USP24: variants seen among roughly 807,000 people sequenced by gnomAD.
USP24 encodes the protein ubiquitin specific peptidase 24.
Under a neutral mutation model 361.6 loss-of-function variants are expected in USP24, and 97 were observed. That is an observed-to-expected ratio of 0.27 (90% confidence interval 0.23 to 0.32). The LOEUF (loss-of-function observed/expected upper bound fraction) is 0.32, where lower values mean the gene tolerates loss of function less well. Among genes scored for constraint, USP24 ranks in the 10% least tolerant of loss-of-function variants. The pLI, the probability that USP24 is intolerant of heterozygous loss-of-function variation, is 1.00. For synonymous variants in USP24, 1,098 were observed against 1,124.6 expected, an observed-to-expected ratio of 0.98 and a Z score of 0.47; for missense variants, 2,353 against 3,165.6, an observed-to-expected ratio of 0.74 and a Z score of 6.16.
intron 21 of USP24, among the ~76,000 whole-genome samples, chr1:55,143,470 A>T (rs1219331250): frequency 2.0e-5 from 3 of 152,176 alleles, no homozygotes; most frequent in African/African-American, 7.2e-5. Flanking sequence ...AAAAGGAAAC[A>T]GTCAAGCCAG....
intron 17 of USP24, among the ~76,000 whole-genome samples, 170 bp downstream of exon 17, chr1:55,148,293 G>GC (rs1365454832): frequency 1.3e-5 from 2 of 148,492 alleles, no homozygotes; most frequent in Non-Finnish European, 3.0e-5. Context: ...AAAAAGCTCT[G>GC]CAGAAATGAA....
intron 30 of USP24, among the ~76,000 whole-genome samples, chr1:55,133,273 T>C (rs1265117382): frequency 6.6e-6 from 1 of 152,178 alleles, no homozygotes. Flanking sequence ...TATGGATAAA[T>C]CCCTTAAGGA....
chr1:55,212,646 C>A (rs1046151174), intron 1 of USP24, among the ~76,000 whole-genome samples: 2 of 152,084 alleles, frequency 1.3e-5, no homozygotes, highest in East Asian at 1.9e-4. Context: ...ATTATTAAAC[C>A]ACAGAGGCAC....
intron 40 of USP24, among the ~76,000 whole-genome samples, chr1:55,106,675 C>T (rs1645782530): frequency 6.6e-6 from 1 of 152,196 alleles, no homozygotes; most frequent in African/African-American, 2.4e-5. Flanking sequence ...GCCTTTCTCT[C>T]TCTGGTTAAG....
At chr1:55,188,626 A>G (rs1348464447) in intron 1 of USP24, among the ~76,000 whole-genome samples, 2 of 152,130 alleles carry the variant, frequency 1.3e-5, no homozygotes, top group African/African-American at 4.8e-5. Flanking sequence ...AAACCACAAA[A>G]TACCACTTCA....
intron 1 of USP24, among the ~76,000 whole-genome samples, chr1:55,190,399 T>C (rs1435847772): frequency 2.6e-5 from 4 of 152,018 alleles, no homozygotes; most frequent in Admixed American, 2.6e-4. Flanking sequence ...CATATTTTGG[T>C]TGGTTTGATA....
chr1:55,159,019 A>G lies in USP24; in HGVS notation c.1086T>C (p.Pro362=). 6.5e-7 allele frequency: 1 copy of G among 1,549,722 alleles called. No homozygotes were observed. Among genetic ancestry groups the G allele is most frequent in the Admixed American group, 2.0e-5 (1 of 50,144 alleles). The change falls in exon 10 of 68, where the codon CCT becomes CCC. Residue 362 remains proline (P), a synonymous_variant. Coordinates refer to ENST00000294383, the MANE Select transcript of USP24 (RefSeq NM_015306.3). ...GTAACTTAACGGCAGACAAGAGCTC[A>G]GGGATGCTAACCAATCTCTTTTATT... ...DLKDKRLVSI[P]ELLSAVKLLC... is the part of the protein sequence containing the mutation.
At chr1:55,114,435 G>A (rs1248217292) in intron 38 of USP24, among the ~76,000 whole-genome samples, 1 of 152,136 alleles carries the variant, frequency 6.6e-6, no homozygotes, top group Non-Finnish European at 1.5e-5. Flanking sequence ...GTATAGCCAA[G>A]ACAATCCTAA....
At position 55,073,691 on chromosome 1, in the gene USP24, C is replaced by T. The variant is rs892911089; in HGVS notation, c.7526+137G>A. ...TTTTTGAGATCATGCAAATAGGTTTCTGTACCTTCCAAGCAAGCAGGCCCT... is the reference window on the plus strand; with the variant it reads ...TTTTTGAGATCATGCAAATAGGTTTTTGTACCTTCCAAGCAAGCAGGCCCT... On this transcript the variant is annotated intron_variant, in intron 64 of 67. Transcript: ENST00000294383. 6 of 774,730 alleles carry T rather than the reference C, an allele frequency of 7.7e-6. No homozygotes were observed. The African/African-American group carries it at 8.8e-5, about 11-fold the overall frequency. The allele number at this position is 774,730 out of a possible 1,614,324, so 48.0% of individuals were successfully genotyped here. A position where few individuals can be genotyped will look rare whatever the true frequency, so the allele number is the denominator to read the frequency against.
chr1:55,129,952 G>A (rs1416361250), intron 31 of USP24, among the ~76,000 whole-genome samples: 1 of 152,130 alleles, frequency 6.6e-6, no homozygotes, highest in Non-Finnish European at 1.5e-5. Context: ...TGCAAGATGA[G>A]TTTCCCAACA....
In USP24 at chr1:55,078,650, A is replaced by C. The variant is rs1212799193; in HGVS notation, c.7202T>G (p.Val2401Gly). The change falls in exon 61 of 68, where the codon GTA (valine) becomes GGA (glycine). Residue 2401 changes from valine (V) to glycine (G), a missense_variant and splice_region_variant. Around this residue, in one of 8 missense-constraint regions of USP24, gnomAD observed 598 missense variants for 761.9 expected, o/e 0.78. Transcript: ENST00000294383. ...TGTCAGCTCCCGCAAAGCAAACATT[A>C]CCTGGTGGGAAGACATAACACAGTC... Reference protein sequence around the residue: ...MSEGKPYLLEVMFALRELTGS... With the variant: ...MSEGKPYLLEGMFALRELTGS... The C allele has an allele frequency of 1.2e-6, 2 of 1,602,630 alleles. No homozygotes were observed.
intron 36 of USP24, 101 bp downstream of exon 36, chr1:55,123,346 T>C (rs763538749): frequency 9.7e-6 from 13 of 1,340,834 alleles, no homozygotes; most frequent in Non-Finnish European, 1.3e-5. Context: ...CTTTTTCATT[T>C]TGACCAATGG....
chr1:55,077,436 A>T, intron 61 of USP24, 136 bp from the exon 62 acceptor site: 1 of 575,298 alleles, frequency 1.7e-6, no homozygotes. Context: ...TCTAGGCCTT[A>T]GTTTCTCAAA....
intron 38 of USP24, among the ~76,000 whole-genome samples, chr1:55,113,500 GAA>G (rs1172037026): frequency 6.6e-6 from 1 of 152,084 alleles, no homozygotes; most frequent in Non-Finnish European, 1.5e-5. Context: ...CCAAGCAACA[GAA>G]AAAGAGGGAC....
At position 55,098,149 on chromosome 1, in the gene USP24, A is replaced by G. The variant is rs1020447962; in HGVS notation, c.5454-65T>C. ...AATTTAAAACTCTTCAATTATCATA[A>G]TACCTAAGCTTGAACACAGAACTAC... On this transcript the variant is annotated intron_variant, in intron 46 of 67. Coordinates refer to ENST00000294383, the MANE Select transcript of USP24 (RefSeq NM_015306.3). 4 of 1,474,464 alleles carry G rather than the reference A, an allele frequency of 2.7e-6. No homozygotes were observed. In the East Asian group the frequency reaches 9.4e-5, roughly 35 times the overall value. 91.3% of individuals were successfully genotyped at this position (1,474,464 alleles called of 1,614,324 possible).
chr1:55,147,637 A>G lies in USP24; in HGVS notation c.2118+12T>C. The G allele has an allele frequency of 6.3e-7, 1 of 1,581,606 alleles. No individual in the cohort carries two copies. Among genetic ancestry groups the G allele is most frequent in the Admixed American group, 1.9e-5 (1 of 51,776 alleles). Reference sequence around the variant, plus strand: ...GTTGTAAATCATGAAGCAAAAACACAAGGCCTGATACCTCCCGGTAAGTGT... The same window carrying G: ...GTTGTAAATCATGAAGCAAAAACACGAGGCCTGATACCTCCCGGTAAGTGT... On this transcript the variant is annotated intron_variant, in intron 18 of 67. Coordinates refer to ENST00000294383, the MANE Select transcript of USP24 (RefSeq NM_015306.3).
At chr1:55,156,410 G>C (rs116341708) in intron 12 of USP24, among the ~76,000 whole-genome samples, 1,633 of 152,016 alleles carry the variant, frequency 0.011, 28 homozygotes, top group African/African-American at 0.038. Flanking sequence ...CAAAGTAGAA[G>C]AGAATAAGTT....
At chr1:55,184,189 T>C (rs1644060828) in intron 1 of USP24, among the ~76,000 whole-genome samples, 2 of 152,124 alleles carry the variant, frequency 1.3e-5, no homozygotes, top group African/African-American at 4.8e-5. Flanking sequence ...CCCAAGTGGC[T>C]GAGATTACAG....
intron 20 of USP24, among the ~76,000 whole-genome samples, chr1:55,144,792 G>A (rs933875100): frequency 1.3e-5 from 2 of 152,054 alleles, no homozygotes; most frequent in Non-Finnish European, 2.9e-5. Flanking sequence ...AAATTAGCCA[G>A]GCATGGTGGC....
Sources: gnomAD v4.1 joint callset for allele counts (sites outside exome capture counted in the v4.1 genomes callset) on GRCh38, gnomAD v4.1.1 for gene constraint, gnomAD v4.1.1 regional missense constraint, MANE v1.5 for transcripts, NCBI Gene and HGNC (gene_info 2026-07-23, HGNC 2026-07-21) for gene names.